The following STXBP5L variants were observed in gnomAD, a reference collection of about 807,000 sequenced individuals.
STXBP5L encodes syntaxin binding protein 5L.
A neutral mutation model predicts 144.5 loss-of-function variants in STXBP5L; 65 were observed. That is an observed-to-expected ratio of 0.45 (90% confidence interval 0.37 to 0.55). The LOEUF (loss-of-function observed/expected upper bound fraction) is 0.55, where lower values mean the gene tolerates loss of function less well. Among genes scored for constraint, STXBP5L ranks in the 20% least tolerant of loss-of-function variants. The pLI is 0.00. For synonymous variants in STXBP5L, 505 were observed against 469.6 expected, an observed-to-expected ratio of 1.08 and a Z score of -0.97; for missense variants, 1,298 against 1,405.5, an observed-to-expected ratio of 0.92 and a Z score of 1.22.
At chr3:120,994,194 G>T (rs544606067) in intron 3 of STXBP5L, among the ~76,000 whole-genome samples, 1 of 151,928 alleles carries the variant, frequency 6.6e-6, no homozygotes, top group South Asian at 2.1e-4. Context: ...ATTTTTTGGT[G>T]CAGTCTTTAA....
intron 3 of STXBP5L, among the ~76,000 whole-genome samples, chr3:121,040,598 G>A: frequency 6.6e-6 from 1 of 151,950 alleles, no homozygotes; most frequent in Non-Finnish European, 1.5e-5. Flanking sequence ...AATCTCTAGA[G>A]CTCTTTTTGT....
At chr3:120,983,118 T>C (rs1158955427) in intron 3 of STXBP5L, among the ~76,000 whole-genome samples, 1 of 152,132 alleles carries the variant, frequency 6.6e-6, no homozygotes, top group Non-Finnish European at 1.5e-5. Context: ...CCTTGAGGCA[T>C]ATGAAAGTGC....
At chr3:120,933,237 A>G (rs1354439669) in intron 2 of STXBP5L, among the ~76,000 whole-genome samples, 1 of 152,136 alleles carries the variant, frequency 6.6e-6, no homozygotes, top group Non-Finnish European at 1.5e-5. Context: ...CAAAAATCCT[A>G]CAGGAAGCTC....
chr3:120,987,521 TTGTTGGATATATGG>T (rs1357296545), intron 3 of STXBP5L, among the ~76,000 whole-genome samples: 2 of 151,862 alleles, frequency 1.3e-5, no homozygotes, highest in Admixed American at 6.6e-5. Context: ...GACTAGTCCT[TTGTTGGATATATGG>T]TTTTCATTTA....
Position 121,233,993 on chromosome 3 carries a change from A to G in STXBP5L, c.1184+305A>G, listed in dbSNP as rs536306299. ...ATCAATCATTATGAAAACTTGTACAATGTGATAGCTGAGTAATGGAAAATG... is the reference window on the plus strand; with the variant it reads ...ATCAATCATTATGAAAACTTGTACAGTGTGATAGCTGAGTAATGGAAAATG... On this transcript the variant is annotated intron_variant, in intron 12 of 26. Transcript: ENST00000471454. Among the ~76,000 whole-genome samples, 13 of 152,280 alleles carry G rather than the reference A, an allele frequency of 8.5e-5. No individual in the cohort carries two copies. The East Asian group carries it at 2.3e-3, about 27-fold the overall frequency.
At chr3:120,990,389 A>AATT (rs1942724291) in intron 3 of STXBP5L, among the ~76,000 whole-genome samples, 2 of 152,292 alleles carry the variant, frequency 1.3e-5, no homozygotes, top group South Asian at 4.1e-4. Context: ...TGCCCAAGGT[A>AATT]ATTTATAGAT....
In STXBP5L at chr3:121,157,501, T is replaced by C. The variant is rs757269990; in HGVS notation, c.754-3T>C. The C allele has an allele frequency of 2.2e-5, 34 of 1,570,622 alleles. No individual in the cohort carries two copies. The Admixed American group carries it at 6.8e-4, about 31-fold the overall frequency. On this transcript the variant is annotated splice_polypyrimidine_tract_variant and splice_region_variant and intron_variant, in intron 8 of 26. Transcript: ENST00000471454. ...CTACTTGTTTTAATTGTTATTTTAT[T>C]AGGCTATTCATTCAATTGATTGGCA... is the stretch of plus-strand genomic sequence containing the variant.
intron 8 of STXBP5L, among the ~76,000 whole-genome samples, chr3:121,153,937 C>T (rs892052131): frequency 3.3e-5 from 5 of 151,836 alleles, no homozygotes; most frequent in African/African-American, 1.2e-4. Context: ...TCTCTTCCCT[C>T]TCTCAACACT....
At chr3:121,186,099 G>A (rs1191302) in intron 9 of STXBP5L, among the ~76,000 whole-genome samples, 79,742 of 151,846 alleles carry the variant, frequency 0.53, 21,540 homozygotes, top group East Asian at 0.73. Context: ...CTCTCTGTTT[G>A]TCTGTTATTG....
intron 9 of STXBP5L, among the ~76,000 whole-genome samples, chr3:121,171,305 G>A (rs1014995699): frequency 6.6e-6 from 1 of 152,108 alleles, no homozygotes; most frequent in Non-Finnish European, 1.5e-5. Flanking sequence ...ACAAGACAAG[G>A]ATGGCATCTC....
intron 7 of STXBP5L, among the ~76,000 whole-genome samples, chr3:121,142,446 A>G (rs1363277414): frequency 6.6e-6 from 1 of 152,002 alleles, no homozygotes; most frequent in Admixed American, 6.6e-5. Flanking sequence ...CAGCAGCAAG[A>G]TATACATTTT....
At chr3:121,006,946 T>A (rs890000902) in intron 3 of STXBP5L, among the ~76,000 whole-genome samples, 14 of 152,178 alleles carry the variant, frequency 9.2e-5, no homozygotes, top group Admixed American at 5.2e-4. Flanking sequence ...CTTCCCTTTG[T>A]GGGTAACCCG....
chr3:120,984,468 T>G (rs1173437258), intron 3 of STXBP5L, among the ~76,000 whole-genome samples: 9 of 152,146 alleles, frequency 5.9e-5, no homozygotes, highest in Non-Finnish European at 1.3e-4. Flanking sequence ...GCATGCTGAC[T>G]TTGTGTCCTA....
At chr3:120,951,827 A>G (rs1711253406) in intron 2 of STXBP5L, among the ~76,000 whole-genome samples, 1 of 152,174 alleles carries the variant, frequency 6.6e-6, no homozygotes, top group Non-Finnish European at 1.5e-5. Context: ...AGGAGTATAA[A>G]TCATGCTGCT....
chr3:120,972,293 T>A (rs1940363044), intron 3 of STXBP5L, among the ~76,000 whole-genome samples: 1 of 152,128 alleles, frequency 6.6e-6, no homozygotes, highest in Non-Finnish European at 1.5e-5. Context: ...TTCACCTCCT[T>A]GGTTAAATGT....
chr3:121,314,802 A>T (rs2108522681), intron 19 of STXBP5L, among the ~76,000 whole-genome samples: 1 of 152,192 alleles, frequency 6.6e-6, no homozygotes, highest in East Asian at 1.9e-4. Context: ...AAAACAAACA[A>T]CCCCATCAAA....
At chr3:121,120,964 A>G (rs565781036) in intron 6 of STXBP5L, among the ~76,000 whole-genome samples, 1 of 151,374 alleles carries the variant, frequency 6.6e-6, no homozygotes, top group Admixed American at 6.6e-5. Context: ...TATAATAGAA[A>G]CATGCCAGAT....
chr3:121,036,140 C>T (rs886470333), intron 3 of STXBP5L, among the ~76,000 whole-genome samples: 1 of 152,056 alleles, frequency 6.6e-6, no homozygotes, highest in Non-Finnish European at 1.5e-5. Context: ...TGAGACCAGC[C>T]TAGCCAACAT....
intron 5 of STXBP5L, among the ~76,000 whole-genome samples, chr3:121,101,752 GAAAT>G (rs2043438086): frequency 6.6e-6 from 1 of 151,942 alleles, no homozygotes; most frequent in Non-Finnish European, 1.5e-5. Context: ...GCAAAAGAAA[GAAAT>G]AAAAGGCATC....
Sources: gnomAD v4.1 joint callset for allele counts (sites outside exome capture counted in the v4.1 genomes callset) on GRCh38, gnomAD v4.1.1 for gene constraint, MANE v1.5 for transcripts, NCBI Gene and HGNC (gene_info 2026-07-23, HGNC 2026-07-21) for gene names.